PKP4: variants seen among roughly 807,000 people sequenced by gnomAD.
The protein encoded by PKP4 is plakophilin-4.
PKP4 carries 90 observed loss-of-function variants against 145.1 expected under a neutral mutation model. The observed-to-expected ratio is 0.62, with a 90% confidence interval of 0.52 to 0.74. The LOEUF (loss-of-function observed/expected upper bound fraction) is 0.74. Among genes scored for constraint, PKP4 ranks in the 30% least tolerant of loss-of-function variants. The pLI, the probability that PKP4 is intolerant of heterozygous loss-of-function variation, is 0.00. For missense variants in PKP4, 1,340 were observed against 1,482.7 expected (o/e 0.90, Z 1.58); for synonymous variants, 563 against 577.2 (o/e 0.98, Z 0.35).
At chr2:158,659,114 T>C (rs1396476906) in intron 12 of PKP4, 1 of 152,322 alleles carries the variant, frequency 6.6e-6, no homozygotes, top group Non-Finnish European at 1.5e-5. Context: ...GTTTAACATC[T>C]AGCATCACCA....
chr2:158,506,860 A>G (rs2041026030), intron 1 of PKP4, among the ~76,000 whole-genome samples: 2 of 152,220 alleles, frequency 1.3e-5, no homozygotes, highest in Admixed American at 1.3e-4. Context: ...AAGTTCCTAT[A>G]GAGGCAATAT....
chr2:158,470,445 C>T (rs1238573374), intron 1 of PKP4, among the ~76,000 whole-genome samples: 1 of 152,128 alleles, frequency 6.6e-6, no homozygotes, highest in Non-Finnish European at 1.5e-5. Context: ...TCCTTCAAGA[C>T]CTAGTTCAAA....
chr2:158,593,094 T>G (rs1438330698), intron 3 of PKP4, among the ~76,000 whole-genome samples: 1 of 152,190 alleles, frequency 6.6e-6, no homozygotes, highest in Non-Finnish European at 1.5e-5. Context: ...TATTTTAAAT[T>G]TTTTTAAATT....
chr2:158,589,992 G>C (rs1294923397), intron 3 of PKP4, among the ~76,000 whole-genome samples: 1 of 152,124 alleles, frequency 6.6e-6, no homozygotes, highest in Non-Finnish European at 1.5e-5. Context: ...CCTAGGGATG[G>C]GGGTGGGGGA....
At chr2:158,590,539 A>C (rs899017915) in intron 3 of PKP4, among the ~76,000 whole-genome samples, 13 of 152,054 alleles carry the variant, frequency 8.5e-5, no homozygotes, top group African/African-American at 3.1e-4. Flanking sequence ...ATTCAAGTAA[A>C]ATTATCAACC....
intron 16 of PKP4, among the ~76,000 whole-genome samples, chr2:158,667,965 A>G (rs1037279451): frequency 6.6e-6 from 1 of 152,216 alleles, no homozygotes; most frequent in Non-Finnish European, 1.5e-5. Flanking sequence ...TAAATGGTTG[A>G]CACGTATATC....
intron 4 of PKP4, among the ~76,000 whole-genome samples, chr2:158,603,863 AGACTT>A (rs1241810459): frequency 6.6e-6 from 1 of 152,202 alleles, no homozygotes; most frequent in African/African-American, 2.4e-5. Context: ...TTTTCAAACA[AGACTT>A]GAATTGAGGA....
chr2:158,461,615 A>G (rs907881680), intron 1 of PKP4, among the ~76,000 whole-genome samples: 3 of 151,884 alleles, frequency 2.0e-5, no homozygotes, highest in African/African-American at 4.8e-5. Flanking sequence ...GTAGCTAGAT[A>G]TAGAATAATA....
chr2:158,483,716 T>G (rs2105442467), intron 1 of PKP4, among the ~76,000 whole-genome samples: 1 of 152,290 alleles, frequency 6.6e-6, no homozygotes, highest in Non-Finnish European at 1.5e-5. Flanking sequence ...GACATAATTT[T>G]CACTAAAGTT....
At chr2:158,526,162 C>T (rs1160628881) in intron 1 of PKP4, among the ~76,000 whole-genome samples, 3 of 139,184 alleles carry the variant, frequency 2.2e-5, no homozygotes, top group Non-Finnish European at 3.1e-5. Flanking sequence ...GATACCAAAG[C>T]CGGGCAGAGA....
In PKP4 at chr2:158,641,684, A is replaced by C. The variant is rs954101419; in HGVS notation, c.1696-802A>C. On this transcript the variant is annotated intron_variant, in intron 10 of 21. Transcript: ENST00000389759. ...CCAGACCTAAAAGTGAATGTAGTAC[A>C]TAAAGCCCAGAAATACTCAAATAAT... 2.0e-5 allele frequency among the ~76,000 whole-genome samples: 3 copies of C among 152,244 alleles called. No individual in the cohort carries two copies. The South Asian group carries it at 6.2e-4, about 32-fold the overall frequency.
At chr2:158,612,196 ATGTC>A (rs1348902886) in intron 4 of PKP4, among the ~76,000 whole-genome samples, 3 of 152,126 alleles carry the variant, frequency 2.0e-5, no homozygotes, top group Non-Finnish European at 4.4e-5. Flanking sequence ...GTTTGTATGT[ATGTC>A]TAAGTATCCA....
rs902213096 is a variant in PKP4, at chr2:158,640,909, G to T, written c.1695+150G>T. 10 of 813,844 alleles carry T rather than the reference G, an allele frequency of 1.2e-5. No individual in the cohort carries two copies. The African/African-American group carries it at 1.6e-4, about 13-fold the overall frequency. 50.4% of individuals were successfully genotyped at this position (813,844 alleles called of 1,614,324 possible). A position where few individuals can be genotyped will look rare whatever the true frequency, so the allele number is the denominator to read the frequency against. Reference sequence around the variant, plus strand: ...ACCAGATACTCTTTCACTTAACTATGCATTTCAGTATCTCTCAGGAAAAAC... The same window carrying T: ...ACCAGATACTCTTTCACTTAACTATTCATTTCAGTATCTCTCAGGAAAAAC... On this transcript the variant is annotated intron_variant, in intron 10 of 21. Transcript: ENST00000389759.
intron 1 of PKP4, among the ~76,000 whole-genome samples, chr2:158,473,564 C>G (rs1573977345): frequency 6.6e-6 from 1 of 151,954 alleles, no homozygotes; most frequent in South Asian, 2.1e-4. Flanking sequence ...GGAACAGAAA[C>G]CAAATACCAT....
chr2:158,489,102 T>G lies in PKP4; in HGVS notation c.-6+31884T>G, dbSNP rs368726694. ...CTCTACATCCAGAAATCCAATATTT[T>G]ACATTTTGATAAGATTTTATTTAAA... On this transcript the variant is annotated intron_variant, in intron 1 of 21. Coordinates refer to ENST00000389759, the MANE Select transcript of PKP4 (RefSeq NM_003628.6). 1.5e-3 allele frequency among the ~76,000 whole-genome samples: 226 copies of G among 152,348 alleles called. 1 individual carries two copies. The highest frequency in any genetic ancestry group is 5.0e-3 in the African/African-American group (208 of 41,580).
intron 11 of PKP4, among the ~76,000 whole-genome samples, chr2:158,649,019 C>T (rs145192251): frequency 1.4e-4 from 21 of 152,260 alleles, no homozygotes; most frequent in Admixed American, 5.2e-4. Context: ...ACAATCACAA[C>T]AGAAACATTC....
At chr2:158,645,516 T>A (rs755221097) in intron 11 of PKP4, among the ~76,000 whole-genome samples, 1 of 152,142 alleles carries the variant, frequency 6.6e-6, no homozygotes, top group Non-Finnish European at 1.5e-5. Context: ...CTGTGTCATG[T>A]CCAGTTGTCT....
At chr2:158,611,475 T>A (rs2105871286) in intron 4 of PKP4, among the ~76,000 whole-genome samples, 1 of 152,296 alleles carries the variant, frequency 6.6e-6, no homozygotes, top group Non-Finnish European at 1.5e-5. Context: ...AAAACATCAA[T>A]ACCGAAGATA....
intron 3 of PKP4, among the ~76,000 whole-genome samples, chr2:158,585,113 T>C (rs1352401067): frequency 6.6e-6 from 1 of 152,214 alleles, no homozygotes; most frequent in Non-Finnish European, 1.5e-5. Flanking sequence ...TTTTCGCTTT[T>C]TGCAAATGAT....
Sources: gnomAD v4.1 joint callset for allele counts (sites outside exome capture counted in the v4.1 genomes callset) on GRCh38, gnomAD v4.1.1 for gene constraint, MANE v1.5 for transcripts, NCBI Gene and HGNC (gene_info 2026-07-23, HGNC 2026-07-21) for gene names.